Variants in SLC29A3 observed in about 807,000 individuals in gnomAD.
SLC29A3 encodes solute carrier family 29 member 3.
In SLC29A3, 18 loss-of-function variants were observed where a neutral mutation model predicts 25.4. The ratio of observed to expected loss-of-function variants is 0.71; its 90% CI spans 0.49 to 1.05. The LOEUF is 1.05. Among genes scored for constraint, SLC29A3 ranks in the 50% least tolerant of loss-of-function variants. The pLI, the probability that SLC29A3 is intolerant of heterozygous loss-of-function variation, is 0.00. For missense variants in SLC29A3, 586 were observed against 609.0 expected (o/e 0.96, Z 0.40); for synonymous variants, 258 against 267.1 (o/e 0.97, Z 0.33).
chr10:71,336,166 G>A (rs745901786), intron 2 of SLC29A3, among the ~76,000 whole-genome samples: 9 of 152,144 alleles, frequency 5.9e-5, no homozygotes, highest in African/African-American at 1.4e-4. Context: ...CTGTCTTCAC[G>A]CAGCCTCTGC....
chr10:71,328,520 A>G (rs1211407828), intron 2 of SLC29A3, among the ~76,000 whole-genome samples: 2 of 152,126 alleles, frequency 1.3e-5, no homozygotes, highest in Admixed American at 6.5e-5. Flanking sequence ...ATCATCCACC[A>G]TGACAGATGA....
chr10:71,372,139 C>A (rs899595353), intron 3 of SLC29A3, among the ~76,000 whole-genome samples: 1 of 152,198 alleles, frequency 6.6e-6, no homozygotes, highest in Non-Finnish European at 1.5e-5. Context: ...CACACCTGAA[C>A]TGGCCTGTTA....
intron 4 of SLC29A3, among the ~76,000 whole-genome samples, chr10:71,352,009 A>G (rs1023372966): frequency 1.3e-5 from 2 of 152,128 alleles, no homozygotes; most frequent in Non-Finnish European, 2.9e-5. Flanking sequence ...TCTTCTCCCC[A>G]TGGCATCAGC....
Position 71,356,233 on chromosome 10 carries a change from G to A in SLC29A3, c.763G>A (p.Glu255Lys). 1 of 1,613,614 alleles carries A rather than the reference G, an allele frequency of 6.2e-7. No individual in the cohort carries two copies. Reference protein sequence around the residue: ...MGLYLLLSRLEYARYYMRPVL... With the variant: ...MGLYLLLSRLKYARYYMRPVL... ...ACTCTACCTGCTGCTGTCCAGGCTG[G>A]AGTATGCCAGGTGAAGGTGCCACTC... The change falls in exon 5 of 6, where the codon GAG becomes AAG. Residue 255 changes from glutamate (E) to lysine (K), a missense_variant. Glu to Lys is a moderately conservative substitution (Grantham distance 56). Coordinates refer to ENST00000373189, the MANE Select transcript of SLC29A3 (RefSeq NM_018344.6).
intron 2 of SLC29A3, among the ~76,000 whole-genome samples, chr10:71,335,254 A>G (rs1292840113): frequency 6.6e-6 from 1 of 152,026 alleles, no homozygotes; most frequent in Non-Finnish European, 1.5e-5. Flanking sequence ...AGTACCTTCC[A>G]AAACAAAACC....
At chr10:71,364,514 G>C (rs1215677667), downstream of SLC29A3, 1 of 152,188 alleles carries the variant, frequency 6.6e-6, no homozygotes, top group Non-Finnish European at 1.5e-5. Flanking sequence ...AGAGAGAAAG[G>C]AACCAGATCA....
At chr10:71,345,404 TA>T (rs140736338) in intron 3 of SLC29A3, among the ~76,000 whole-genome samples, 1,567 of 152,314 alleles carry the variant, frequency 0.01, 12 homozygotes, top group Non-Finnish European at 0.018. Context: ...AGCCTCAGGG[TA>T]ATAGGATGGC....
rs772599816 is a variant in SLC29A3 at position 71,344,273 on chromosome 10, A to C, written c.365A>C (p.Asn122Thr). 6.2e-7 allele frequency: 1 copy of C among 1,613,940 alleles called. No individual in the cohort carries two copies. ...TVPSMLCLVA[N>T]FLLVNRVAVH... Reference sequence around the variant, plus strand: ...CCCTCCATGCTGTGCCTGGTGGCCAACTTCCTGCTTGTCAACAGGTAGGCG... The same window carrying C: ...CCCTCCATGCTGTGCCTGGTGGCCACCTTCCTGCTTGTCAACAGGTAGGCG... The change falls in exon 3 of 6, where the codon AAC becomes ACC. Residue 122 changes from asparagine (N) to threonine (T), a missense_variant. Transcript: ENST00000373189.
intron 3 of SLC29A3, 39 bp downstream of exon 3, chr10:71,344,330 G>A: frequency 6.7e-7 from 1 of 1,493,750 alleles, no homozygotes; most frequent in South Asian, 1.1e-5. Context: ...CTCTGCCTTG[G>A]TCTCCTGCCT....
rs1846767965 is a variant in SLC29A3 at position 71,351,724 on chromosome 10, C to G, written c.546C>G (p.Phe182Leu). The change falls in exon 4 of 6, where the codon TTC becomes TTG. Residue 182 changes from phenylalanine to leucine, a missense_variant. Coordinates refer to ENST00000373189, the MANE Select transcript of SLC29A3 (RefSeq NM_018344.6). The stretch of plus-strand genomic sequence containing the variant: ...TCCTCAGCGGTGCCTCCACTGTCTT[C>G]AGCAGCAGCATCTACGGCATGACCG... ...MVILSGASTV[F>L]SSSIYGMTGS... is the part of the protein sequence containing the mutation. 1 of 1,614,182 alleles carries G rather than the reference C, an allele frequency of 6.2e-7. No homozygotes were observed.
At chr10:71,337,058 A>G (rs1367196502) in intron 2 of SLC29A3, among the ~76,000 whole-genome samples, 1 of 151,992 alleles carries the variant, frequency 6.6e-6, no homozygotes, top group Non-Finnish European at 1.5e-5. Flanking sequence ...TCTGATTCTG[A>G]CCCCAGATTT....
At chr10:71,343,658 A>G (rs568814450) in intron 2 of SLC29A3, among the ~76,000 whole-genome samples, 8 of 152,288 alleles carry the variant, frequency 5.3e-5, no homozygotes, top group South Asian at 4.1e-4. Flanking sequence ...GTTGGGTCAC[A>G]AGAAAACCCA....
At chr10:71,367,628 G>A (rs77870191), downstream of SLC29A3, among the ~76,000 whole-genome samples, 615 of 152,320 alleles carry the variant, frequency 4.0e-3, 1 homozygote, top group African/African-American at 0.014. Flanking sequence ...GGCAGCCTCA[G>A]CCTGAGATGG....
intron 2 of SLC29A3, among the ~76,000 whole-genome samples, chr10:71,330,839 T>C (rs552722851): frequency 1.3e-3 from 165 of 128,034 alleles, no homozygotes; most frequent in African/African-American, 4.1e-3. Flanking sequence ...TACTAGAAGC[T>C]TTTTTTTTCA....
At chr10:71,343,643 A>C (rs1022792455) in intron 2 of SLC29A3, among the ~76,000 whole-genome samples, 8 of 152,230 alleles carry the variant, frequency 5.3e-5, no homozygotes, top group Admixed American at 3.9e-4. Context: ...GAAAGCGAGA[A>C]TGTGGTTGGG....
intron 2 of SLC29A3, among the ~76,000 whole-genome samples, chr10:71,339,209 A>G (rs531778190): frequency 2.0e-5 from 3 of 152,250 alleles, no homozygotes; most frequent in African/African-American, 7.2e-5. Context: ...GTAAGAGCAC[A>G]TGGGCTGGGG....
intron 3 of SLC29A3, among the ~76,000 whole-genome samples, chr10:71,344,513 C>T (rs954966944): frequency 4.6e-5 from 7 of 152,238 alleles, no homozygotes; most frequent in African/African-American, 1.7e-4. Flanking sequence ...ACTGTGACAT[C>T]GCTGTGACAT....
chr10:71,328,454 C>T (rs2131804521), intron 2 of SLC29A3, among the ~76,000 whole-genome samples: 1 of 152,316 alleles, frequency 6.6e-6, no homozygotes, highest in Non-Finnish European at 1.5e-5. Context: ...CTGCTCTCAG[C>T]ACTTTGCCTG....
intron 2 of SLC29A3, among the ~76,000 whole-genome samples, chr10:71,330,593 C>T (rs1012950557): frequency 3.3e-5 from 5 of 152,342 alleles, no homozygotes; most frequent in Admixed American, 1.3e-4. Context: ...TGCTCTGTCG[C>T]CCTTGGGCCT....
Sources: gnomAD v4.1 joint callset for allele counts (sites outside exome capture counted in the v4.1 genomes callset) on GRCh38, gnomAD v4.1.1 for gene constraint, MANE v1.5 for transcripts, NCBI Gene and HGNC (gene_info 2026-07-23, HGNC 2026-07-21) for gene names.